CTDP1: variants seen among roughly 807,000 people sequenced by gnomAD.
CTDP1 encodes the protein CTD phosphatase 1.
In CTDP1, 47 loss-of-function variants were observed where a neutral mutation model predicts 91.8. The ratio of observed to expected loss-of-function variants is 0.51; its 90% CI spans 0.41 to 0.65. CTDP1 has a LOEUF of 0.65. Ranked by LOEUF, CTDP1 falls within the 30% of genes least tolerant of loss-of-function variation. The pLI, the probability that CTDP1 is intolerant of heterozygous loss-of-function variation, is 0.00. For synonymous variants in CTDP1, 656 were observed against 598.5 expected (o/e 1.10, Z -1.40); for missense variants, 1,272 against 1,373.7 (o/e 0.93, Z 1.17).
chr18:79,708,025 G>A (rs1271779098), intron 5 of CTDP1, among the ~76,000 whole-genome samples: 2 of 152,188 alleles, frequency 1.3e-5, no homozygotes, highest in Admixed American at 6.6e-5. Flanking sequence ...TGGAATTTAC[G>A]CATAGTGAGA....
chr18:79,726,622 C>A (rs2086447991), intron 10 of CTDP1, among the ~76,000 whole-genome samples: 1 of 151,546 alleles, frequency 6.6e-6, no homozygotes, highest in Non-Finnish European at 1.5e-5. Flanking sequence ...TTGGGCCATG[C>A]TCCAGCAGCA....
chr18:79,708,766 TC>T (rs1045548628), intron 5 of CTDP1, among the ~76,000 whole-genome samples: 3 of 152,252 alleles, frequency 2.0e-5, no homozygotes, highest in African/African-American at 7.2e-5. Context: ...TGCAATCCAG[TC>T]CCCGTTTTGT....
At chr18:79,693,051 C>T (rs1051371755) in intron 1 of CTDP1, among the ~76,000 whole-genome samples, 1 of 152,140 alleles carries the variant, frequency 6.6e-6, no homozygotes, top group Non-Finnish European at 1.5e-5. Context: ...TGGGGGCTGC[C>T]AGGCATCGGA....
chr18:79,679,747 C>T (rs1019913437), upstream of CTDP1: 84 of 537,352 alleles, frequency 1.6e-4, no homozygotes, highest in South Asian at 3.9e-5. Flanking sequence ...CTCGTATTTA[C>T]ACGCGCACGT....
At chr18:79,705,523 C>T (rs748203688) in intron 5 of CTDP1, among the ~76,000 whole-genome samples, 2 of 151,810 alleles carry the variant, frequency 1.3e-5, no homozygotes, top group Admixed American at 6.6e-5. Flanking sequence ...AGTGGGACAG[C>T]GACCGTCTGT....
At chr18:79,691,081 C>T (rs578069998) in intron 1 of CTDP1, among the ~76,000 whole-genome samples, 1 of 152,318 alleles carries the variant, frequency 6.6e-6, no homozygotes, top group East Asian at 1.9e-4. Flanking sequence ...TGTCAAGACC[C>T]AGCTGTTACA....
At chr18:79,733,500 G>A (rs1336024628) in intron 11 of CTDP1, among the ~76,000 whole-genome samples, 3 of 152,164 alleles carry the variant, frequency 2.0e-5, no homozygotes, top group Non-Finnish European at 2.9e-5. Flanking sequence ...CCCCAGAGCC[G>A]GCGTCCGCTG....
intron 6 of CTDP1, among the ~76,000 whole-genome samples, chr18:79,712,344 T>A (rs768920975): frequency 3.3e-5 from 5 of 152,180 alleles, no homozygotes; most frequent in Non-Finnish European, 5.9e-5. Context: ...TGCAGTAGTG[T>A]GGTCTCAGCT....
Position 79,695,285 on chromosome 18 carries a change from T to C in CTDP1, c.375T>C (p.Ala125=), listed in dbSNP as rs558480120. 6.2e-5 allele frequency: 100 copies of C among 1,614,208 alleles called. 3 individuals carry two copies. The South Asian group carries it at 1.1e-3, about 18-fold the overall frequency. The stretch of plus-strand genomic sequence containing the variant: ...CGGTTGTCATGAAAGGCCTGTGTGC[T>C]GAATGTGGCCAAGACCTCACCCAGT... The part of the protein sequence containing the change: ...SHPVVMKGLC[A]ECGQDLTQLQ... The change falls in exon 2 of 13, where the codon GCT becomes GCC. Residue 125 remains alanine, a synonymous_variant. Coordinates refer to ENST00000613122, the MANE Select transcript of CTDP1 (RefSeq NM_004715.5).
intron 4 of CTDP1, among the ~76,000 whole-genome samples, chr18:79,701,775 G>A (rs376734587): frequency 1.8e-4 from 28 of 152,208 alleles, no homozygotes; most frequent in South Asian, 1.5e-3. Flanking sequence ...CCCTCAGTTC[G>A]GAAGATGTTG....
intron 10 of CTDP1, among the ~76,000 whole-genome samples, chr18:79,718,868 G>A (rs893349292): frequency 1.3e-5 from 2 of 152,194 alleles, no homozygotes; most frequent in African/African-American, 4.8e-5. Flanking sequence ...CCTGTGACGG[G>A]TACAGAATGC....
At chr18:79,696,763 G>A (rs1269054040) in intron 3 of CTDP1, among the ~76,000 whole-genome samples, 1 of 152,190 alleles carries the variant, frequency 6.6e-6, no homozygotes, top group South Asian at 2.1e-4. Context: ...GCTACGCCTC[G>A]TTTATGTATT....
At chr18:79,678,780 G>C (rs1185995054), upstream of CTDP1, 1 of 153,180 alleles carries the variant, frequency 6.5e-6, no homozygotes, top group Non-Finnish European at 1.5e-5. Context: ...GTCCAGAGCG[G>C]TCTGGCTCAG....
At chr18:79,701,524 ATAAAT>A (rs1244559788) in intron 4 of CTDP1, among the ~76,000 whole-genome samples, 2 of 86,478 alleles carry the variant, frequency 2.3e-5, no homozygotes, top group African/African-American at 4.3e-5. Flanking sequence ...AAAATAATAA[ATAAAT>A]TAAATAAATA....
chr18:79,695,933 C>T (rs747229460), intron 2 of CTDP1, 44 bp from the exon 3 acceptor site: 61 of 1,512,414 alleles, frequency 4.0e-5, no homozygotes, highest in Non-Finnish European at 5.1e-5. Context: ...CATCTGTGCG[C>T]AGAGACTCAG....
chr18:79,736,545 AGGGGCC>A, intron 12 of CTDP1, 24 bp downstream of exon 12: 1 of 1,520,296 alleles, frequency 6.6e-7, no homozygotes, highest in South Asian at 1.2e-5. Flanking sequence ...CTGAGGTGGG[AGGGGCC>A]TGACACGGGC....
intron 8 of CTDP1, among the ~76,000 whole-genome samples, chr18:79,715,990 G>A (rs1326817331): frequency 6.6e-6 from 1 of 152,246 alleles, no homozygotes; most frequent in East Asian, 1.9e-4. Context: ...TCCCGACGGT[G>A]AAACCTGTCC....
rs951240018 is a variant in CTDP1 at position 79,713,331 on chromosome 18, T to TA, written c.1030+201dup. Reference sequence around the variant, plus strand: ...TATTAGGTTGTTTCAATTTGGGCTTTAAAAAAAATGGCCCTCACTTAAGCG... The same window carrying TA: ...TATTAGGTTGTTTCAATTTGGGCTTTAAAAAAAAATGGCCCTCACTTAAGCG... On this transcript the variant is annotated intron_variant, in intron 7 of 12. Coordinates refer to ENST00000613122, the MANE Select transcript of CTDP1 (RefSeq NM_004715.5). The surrounding 1 kb of genome is among the most constrained non-coding windows in gnomAD (Gnocchi z 4.7). Among the ~76,000 whole-genome samples the TA allele has an allele frequency of 2.0e-5, 3 of 152,074 alleles. No homozygotes were observed. Among genetic ancestry groups the TA allele is most frequent in the African/African-American group, 7.2e-5 (3 of 41,414 alleles).
At chr18:79,696,338 C>T (rs1006598611) in intron 3 of CTDP1, among the ~76,000 whole-genome samples, 33 of 152,198 alleles carry the variant, frequency 2.2e-4, no homozygotes, top group African/African-American at 5.5e-4. Flanking sequence ...CAGGTGCTGC[C>T]GCCGCAGCTG....
Sources: gnomAD v4.1 joint callset for allele counts (sites outside exome capture counted in the v4.1 genomes callset) on GRCh38, gnomAD v4.1.1 for gene constraint, Gnocchi (gnomAD v3.1) non-coding constraint, MANE v1.5 for transcripts, NCBI Gene and HGNC (gene_info 2026-07-23, HGNC 2026-07-21) for gene names.